MLF1: variants seen among roughly 807,000 people sequenced by gnomAD.
MLF1 encodes myelodysplasia-myeloid leukemia factor 1.
In MLF1, 37 loss-of-function variants were observed where a neutral mutation model predicts 38.3. The ratio of observed to expected loss-of-function variants is 0.96; its 90% CI spans 0.74 to 1.27. The LOEUF is 1.27. Among genes scored for constraint, MLF1 ranks in the 50% most tolerant of loss-of-function variants. The pLI, the probability that MLF1 is intolerant of heterozygous loss-of-function variation, is 0.00. For synonymous variants in MLF1, 95 were observed against 106.5 expected (o/e 0.89, Z 0.66); for missense variants, 331 against 349.2 (o/e 0.95, Z 0.42).
At chr3:158,598,281 C>T in intron 5 of MLF1, 73 bp downstream of exon 5, 5 of 1,301,134 alleles carry the variant, frequency 3.8e-6, no homozygotes, top group Admixed American at 2.5e-5. Flanking sequence ...CAAATTTTAA[C>T]TATTAAAATT....
Position 158,592,511 on chromosome 3 carries a change from T to C in MLF1, c.125T>C (p.Leu42Pro). The C allele has an allele frequency of 6.2e-7, 1 of 1,612,618 alleles. No individual in the cohort carries two copies. Among genetic ancestry groups the C allele is most frequent in the Non-Finnish European group, 8.5e-7 (1 of 1,179,436 alleles). ...TCTGAACCCTTTGGAAGAGACTTGC[T>C]CAGTATCTCTGATGGTAGAGGGAGA... ...SFSEPFGRDL[L>P]SISDGRGRAH... The change falls in exon 2 of 8, where the codon CTC becomes CCC. Residue 42 changes from leucine (L) to proline (P), a missense_variant. Transcript: ENST00000466246.
chr3:158,591,021 T>G, intron 1 of MLF1: 1 of 437,214 alleles, frequency 2.3e-6, no homozygotes, highest in Non-Finnish European at 4.5e-6. Flanking sequence ...TGAGCTCTTT[T>G]GGAATAGGTT....
At chr3:158,598,418 C>T (rs897307878) in intron 5 of MLF1, among the ~76,000 whole-genome samples, 1 of 148,714 alleles carries the variant, frequency 6.7e-6, no homozygotes, top group Non-Finnish European at 1.5e-5. Context: ...TTTTGTAGCC[C>T]CCCCACCCCC....
In MLF1 at chr3:158,606,264, T is replaced by G. The variant is rs745897143; in HGVS notation, c.*1062T>G. 1.1e-5 allele frequency: 2 copies of G among 175,468 alleles called. No homozygotes were observed. Among genetic ancestry groups the G allele is most frequent in the Non-Finnish European group, 2.5e-5 (2 of 81,290 alleles). The allele number at this position is 175,468 out of a possible 1,614,324, so 10.9% of individuals were successfully genotyped here. A position where few individuals can be genotyped will look rare whatever the true frequency, so the allele number is the denominator to read the frequency against. On this transcript the variant is annotated 3_prime_UTR_variant, in exon 8 of 8. Transcript: ENST00000466246. ...ATCTTAACTCACATTTGTTGTTTAA[T>G]ATTTCTGTCAAGGAAAAAAGCCCCC...
At chr3:158,581,566 G>C (rs1331198089) in intron 1 of MLF1, among the ~76,000 whole-genome samples, 1 of 152,102 alleles carries the variant, frequency 6.6e-6, no homozygotes, top group Admixed American at 6.6e-5. Flanking sequence ...TATGACTACA[G>C]AACACTTTGC....
rs1718982625 is a variant in MLF1, at chr3:158,597,028, A to C, written c.324+83A>C. ...CATAGTGGCTTTCAAACACTTTTTT[A>C]ACCATAGTGGTTAAAAAAGATACCT... On this transcript the variant is annotated intron_variant, in intron 4 of 7. Transcript: ENST00000466246. 3 of 795,552 alleles carry C rather than the reference A, an allele frequency of 3.8e-6. 1 individual carries two copies. The highest frequency in any genetic ancestry group is 6.1e-6 in the Non-Finnish European group (3 of 489,160). The allele number at this position is 795,552 out of a possible 1,614,324, so 49.3% of individuals were successfully genotyped here. A position where few individuals can be genotyped will look rare whatever the true frequency, so the allele number is the denominator to read the frequency against.
chr3:158,595,049 A>G (rs1005058032), intron 3 of MLF1, among the ~76,000 whole-genome samples: 8 of 152,284 alleles, frequency 5.3e-5, no homozygotes, highest in Middle Eastern at 3.4e-3. Context: ...GGGATATTGT[A>G]GTAAATAGAC....
intron 1 of MLF1, among the ~76,000 whole-genome samples, chr3:158,580,690 T>C (rs1716200575): frequency 6.6e-6 from 1 of 151,506 alleles, no homozygotes; most frequent in Non-Finnish European, 1.5e-5. Context: ...GCATGGTTGC[T>C]CACACCTGTA....
intron 1 of MLF1, among the ~76,000 whole-genome samples, chr3:158,591,316 C>T (rs1371707698): frequency 6.6e-6 from 1 of 152,044 alleles, no homozygotes; most frequent in East Asian, 1.9e-4. Flanking sequence ...TACGTCACCA[C>T]ACCCGGCTAA....
At chr3:158,572,409 T>G in intron 1 of MLF1, among the ~76,000 whole-genome samples, 4 of 73,700 alleles carry the variant, frequency 5.4e-5, no homozygotes, top group Admixed American at 2.9e-4. Flanking sequence ...GGGCATGAGT[T>G]GGTGGGGATG....
In MLF1 at chr3:158,596,864, T is replaced by C. The variant is rs772983490; in HGVS notation, c.243T>C (p.His81=). ...ACATACTTCCTGATATTCTGTAGCA[T>C]ACAGATGTCAGCTCTTTCCAGACAA... ...LVPFGDFGGM[H]TDVSSFQTMD... The change falls in exon 4 of 8, where the codon CAT becomes CAC. Residue 81 remains histidine (H), a splice_region_variant and synonymous_variant. Transcript: ENST00000466246. 30 of 1,602,342 alleles carry C rather than the reference T, an allele frequency of 1.9e-5. 1 individual carries two copies. The South Asian group carries it at 3.0e-4, about 16-fold the overall frequency.
chr3:158,588,220 A>ATT (rs1442038509), intron 1 of MLF1, among the ~76,000 whole-genome samples: 1 of 152,156 alleles, frequency 6.6e-6, no homozygotes, highest in East Asian at 1.9e-4. Flanking sequence ...GAGATGACTA[A>ATT]AGCCTCAACT....
intron 3 of MLF1, among the ~76,000 whole-genome samples, chr3:158,596,633 A>C (rs573512330): frequency 6.2e-4 from 95 of 152,298 alleles, no homozygotes; most frequent in African/African-American, 2.2e-3. Flanking sequence ...ATAATGTTAC[A>C]GTTCCCTAAT....
At chr3:158,603,316 G>A (rs1720066177) in intron 7 of MLF1, among the ~76,000 whole-genome samples, 1 of 152,114 alleles carries the variant, frequency 6.6e-6, no homozygotes, top group Non-Finnish European at 1.5e-5. Flanking sequence ...ATATGATAAG[G>A]GGAGAGGGGC....
intron 1 of MLF1, among the ~76,000 whole-genome samples, chr3:158,575,328 T>C (rs1326104151): frequency 2.0e-5 from 3 of 152,226 alleles, no homozygotes; most frequent in African/African-American, 7.2e-5. Flanking sequence ...GCTTACAGAC[T>C]ACCATCTTTC....
rs1720476624 is a variant in MLF1 at position 158,606,278 on chromosome 3, A to G, written c.*1076A>G. On this transcript the variant is annotated 3_prime_UTR_variant, in exon 8 of 8. Coordinates refer to ENST00000466246, the MANE Select transcript of MLF1 (RefSeq NM_001369783.1). ...TTGTTGTTTAATATTTCTGTCAAGG[A>G]AAAAAGCCCCCAAAAATTGCTATCA... The G allele has an allele frequency of 5.7e-6, 1 of 174,510 alleles. No homozygotes were observed. The highest frequency in any genetic ancestry group is 2.4e-5 in the African/African-American group (1 of 42,172). 10.8% of individuals were successfully genotyped at this position (174,510 alleles called of 1,614,324 possible). A position where few individuals can be genotyped will look rare whatever the true frequency, so the allele number is the denominator to read the frequency against.
intron 1 of MLF1, among the ~76,000 whole-genome samples, chr3:158,590,443 A>T (rs1717951462): frequency 1.3e-5 from 2 of 152,212 alleles, no homozygotes; most frequent in South Asian, 4.1e-4. Context: ...CTTAAGTCAA[A>T]TTATGTATAC....
intron 1 of MLF1, chr3:158,588,872 T>C (rs913500673): frequency 4.4e-6 from 2 of 456,508 alleles, no homozygotes; most frequent in South Asian, 1.5e-5. Context: ...GGTCTTACTC[T>C]GCAGCAGCTG....
chr3:158,605,904 A>G lies in MLF1; in HGVS notation c.*702A>G. 1 of 181,558 alleles carries G rather than the reference A, an allele frequency of 5.5e-6. No homozygotes were observed. The allele number at this position is 181,558 out of a possible 1,614,324, so 11.2% of individuals were successfully genotyped here. ...AGATATTATATTGACCATTCTCTTT[A>G]ACTTCTTAATGTGGCATATTTCTAC... On this transcript the variant is annotated 3_prime_UTR_variant, in exon 8 of 8. Coordinates refer to ENST00000466246, the MANE Select transcript of MLF1 (RefSeq NM_001369783.1).
Sources: gnomAD v4.1 joint callset for allele counts (sites outside exome capture counted in the v4.1 genomes callset) on GRCh38, gnomAD v4.1.1 for gene constraint, MANE v1.5 for transcripts, NCBI Gene and HGNC (gene_info 2026-07-23, HGNC 2026-07-21) for gene names.